The following EPAS1 variants were observed in gnomAD, a reference collection of about 807,000 sequenced individuals.
EPAS1 encodes endothelial PAS domain protein 1, also known as endothelial PAS domain-containing protein 1.
EPAS1 carries 23 observed loss-of-function variants against 87.9 expected under a neutral mutation model. The ratio of observed to expected loss-of-function variants is 0.26; its 90% CI spans 0.19 to 0.37. EPAS1 has a LOEUF of 0.37. EPAS1 is among the 10% of genes least tolerant of loss of function. The pLI is 1.00. For missense variants in EPAS1, 1,138 were observed against 1,120.7 expected (o/e 1.02, Z -0.22); for synonymous variants, 508 against 444.3 (o/e 1.14, Z -1.80).
rs562866045 is a variant in EPAS1 at position 46,385,964 on chromosome 2, C to A, written c.*1304C>A. 1 of 152,530 alleles carries A rather than the reference C, an allele frequency of 6.6e-6. No individual in the cohort carries two copies. Among genetic ancestry groups the A allele is most frequent in the Admixed American group, 6.5e-5 (1 of 15,286 alleles). 9.4% of individuals were successfully genotyped at this position (152,530 alleles called of 1,614,324 possible). A position where few individuals can be genotyped will look rare whatever the true frequency, so the allele number is the denominator to read the frequency against. On this transcript the variant is annotated 3_prime_UTR_variant, in exon 16 of 16. Transcript: ENST00000263734. ...CTCCAAGCTCACGACCTTGGAGCCCCGTGGAGCTGGACTGAGGAGGAGGCT... is the reference window on the plus strand; with the variant it reads ...CTCCAAGCTCACGACCTTGGAGCCCAGTGGAGCTGGACTGAGGAGGAGGCT...
intron 2 of EPAS1, among the ~76,000 whole-genome samples, chr2:46,349,203 G>A (rs1221342261): frequency 6.6e-6 from 1 of 152,192 alleles, no homozygotes; most frequent in Non-Finnish European, 1.5e-5. Context: ...GCGTGATGGG[G>A]AGGAGGTCCT....
rs72797432 is a variant in EPAS1, at chr2:46,385,009, T to C, written c.*349T>C. The stretch of plus-strand genomic sequence containing the variant: ...TGTCCATACTAACAAGTTTGGTGCA[T>C]GTCTGTTCTTCTGTAGGGAGAAGCT... On this transcript the variant is annotated 3_prime_UTR_variant, in exon 16 of 16. Transcript: ENST00000263734. The C allele has an allele frequency of 9.0e-3, 2,909 of 323,882 alleles. 20 individuals carry two copies. Among genetic ancestry groups the C allele is most frequent in the Non-Finnish European group, 0.014 (2,378 of 169,308 alleles). 20.1% of individuals were successfully genotyped at this position (323,882 alleles called of 1,614,324 possible). A position where few individuals can be genotyped will look rare whatever the true frequency, so the allele number is the denominator to read the frequency against.
rs75279624 is a variant in EPAS1, at chr2:46,321,916, A to C, written c.26+23979A>C. 7.0e-4 allele frequency among the ~76,000 whole-genome samples: 107 copies of C among 152,318 alleles called. No homozygotes were observed. In the East Asian group the frequency reaches 0.013, roughly 19 times the overall value. ...TTCAGTTCGTGCTGTGGAGCATGTG[A>C]AACTATTTTAAATAGAGGCCTTTGG... On this transcript the variant is annotated intron_variant, in intron 1 of 15. Coordinates refer to ENST00000263734, the MANE Select transcript of EPAS1 (RefSeq NM_001430.5).
chr2:46,382,550 G>C lies in EPAS1; in HGVS notation c.2413G>C (p.Ala805Pro), dbSNP rs147672406. 6.2e-7 allele frequency: 1 copy of C among 1,614,118 alleles called. No individual in the cohort carries two copies. The highest frequency in any genetic ancestry group is 1.3e-5 in the African/African-American group (1 of 75,030). Residue 805 changes from alanine to proline, a missense_variant, in exon 15 of 16, where the codon GCC (alanine) becomes CCC (proline). Transcript: ENST00000263734. ...GAGCAGGTTCCCCCCACAGTGCTAC[G>C]CCACCCAGTACCAGGACTACAGCCT... ...SKSRFPPQCY[A>P]TQYQDYSLSS...
intron 1 of EPAS1, among the ~76,000 whole-genome samples, chr2:46,311,868 C>G (rs1683217611): frequency 6.6e-6 from 1 of 152,160 alleles, no homozygotes; most frequent in Non-Finnish European, 1.5e-5. Flanking sequence ...AGCAGAAAAC[C>G]CAGGCAGAAA....
intron 11 of EPAS1, among the ~76,000 whole-genome samples, chr2:46,379,240 A>G (rs1269844501): frequency 3.3e-5 from 5 of 152,252 alleles, no homozygotes; most frequent in Non-Finnish European, 5.9e-5. Context: ...TCAGGAACAC[A>G]TTTATTACAT....
rs554103935 is a variant in EPAS1 at position 46,301,735 on chromosome 2, G to A, written c.26+3798G>A. 6.0e-5 allele frequency among the ~76,000 whole-genome samples: 9 copies of A among 151,078 alleles called. No homozygotes were observed. In the South Asian group the frequency reaches 1.7e-3, roughly 28 times the overall value. ...CCTTCCCCATCACAACTCTCAAACC[G>A]CTGAACCTTATAGAAAGGAGATTTG... On this transcript the variant is annotated intron_variant, in intron 1 of 15. Coordinates refer to ENST00000263734, the MANE Select transcript of EPAS1 (RefSeq NM_001430.5).
At chr2:46,382,325 C>T in intron 14 of EPAS1, 100 bp from the exon 15 acceptor site, 2 of 1,485,140 alleles carry the variant, frequency 1.3e-6, no homozygotes, top group Non-Finnish European at 1.9e-6. Flanking sequence ...GTTCTGGTGA[C>T]TCTGAGCACC....
At chr2:46,382,226 C>CT in intron 14 of EPAS1, 137 bp downstream of exon 14, 1 of 1,044,432 alleles carries the variant, frequency 9.6e-7, no homozygotes, top group Non-Finnish European at 1.4e-6. Flanking sequence ...GCGATGTCCT[C>CT]TGTCTCTCCC....
chr2:46,302,086 G>T (rs1683011632), intron 1 of EPAS1, among the ~76,000 whole-genome samples: 1 of 142,366 alleles, frequency 7.0e-6, no homozygotes, highest in Non-Finnish European at 1.5e-5. Flanking sequence ...AGACTAAACA[G>T]TTTAATTTAC....
At chr2:46,383,735 A>G (rs1231621122) in intron 15 of EPAS1, among the ~76,000 whole-genome samples, 1 of 152,234 alleles carries the variant, frequency 6.6e-6, no homozygotes, top group Non-Finnish European at 1.5e-5. Context: ...TTTTCTGACC[A>G]TGAATAAGAG....
In EPAS1 at chr2:46,348,592, C is replaced by A. The variant is rs148808824; in HGVS notation, c.217+1529C>A. Among the ~76,000 whole-genome samples the A allele has an allele frequency of 7.1e-3, 1,084 of 152,324 alleles. 15 individuals carry two copies. Among genetic ancestry groups the A allele is most frequent in the African/African-American group, 0.025 (1,041 of 41,564 alleles). ...TGGTACTTGAGATTTTGCTCTTAGA[C>A]ATTAATTCCTTTGGATTAATCATTG... On this transcript the variant is annotated intron_variant, in intron 2 of 15. Transcript: ENST00000263734.
chr2:46,325,840 G>A (rs1053066438), intron 1 of EPAS1, among the ~76,000 whole-genome samples: 1 of 152,062 alleles, frequency 6.6e-6, no homozygotes, highest in African/African-American at 2.4e-5. Flanking sequence ...TTTAAAACAG[G>A]GACACAAAGA....
chr2:46,350,424 C>T (rs1203263411), intron 2 of EPAS1, among the ~76,000 whole-genome samples: 1 of 152,212 alleles, frequency 6.6e-6, no homozygotes, highest in Non-Finnish European at 1.5e-5. Context: ...TCACAGTAGG[C>T]TGTTCTGTGT....
intron 6 of EPAS1, among the ~76,000 whole-genome samples, chr2:46,369,472 A>C (rs1329037325): frequency 6.6e-6 from 1 of 152,194 alleles, no homozygotes; most frequent in Non-Finnish European, 1.5e-5. Flanking sequence ...CCCGTCCTGG[A>C]TGTCTACTCC....
Position 46,380,341 on chromosome 2 carries a change from C to G in EPAS1, c.1669C>G (p.Gln557Glu). 1 of 1,614,170 alleles carries G rather than the reference C, an allele frequency of 6.2e-7. No homozygotes were observed. Among genetic ancestry groups the G allele is most frequent in the Non-Finnish European group, 8.5e-7 (1 of 1,180,012 alleles). ...PEERLLAENP[Q>E]STPQHCFSAM... ...GGAGCGGCTCTTGGCGGAGAACCCACAGTCCACCCCCCAGCACTGCTTCAG... is the reference window on the plus strand; with the variant it reads ...GGAGCGGCTCTTGGCGGAGAACCCAGAGTCCACCCCCCAGCACTGCTTCAG... Residue 557 changes from glutamine (Q) to glutamate (E), a missense_variant, in exon 12 of 16, where the codon CAG becomes GAG. Gln to Glu is a conservative substitution (Grantham distance 29). This residue lies in a region of EPAS1 where 502 missense variants were observed against 427.1 expected (regional missense o/e 1.18). Transcript: ENST00000263734. The surrounding 1 kb of genome is among the most constrained non-coding windows in gnomAD (Gnocchi z 4.4).
intron 7 of EPAS1, among the ~76,000 whole-genome samples, chr2:46,374,762 T>TATTG (rs1217861457): frequency 6.6e-6 from 1 of 152,200 alleles, no homozygotes; most frequent in Non-Finnish European, 1.5e-5. Flanking sequence ...TAAAGAGATT[T>TATTG]ATTGATTCCT....
At chr2:46,376,057 C>T (rs1234428994) in intron 8 of EPAS1, among the ~76,000 whole-genome samples, 1 of 152,132 alleles carries the variant, frequency 6.6e-6, no homozygotes, top group African/African-American at 2.4e-5. Context: ...CTGCGCTTTC[C>T]CTGGCATCTG....
chr2:46,316,181 GA>G (rs890385039), intron 1 of EPAS1, among the ~76,000 whole-genome samples: 3 of 149,444 alleles, frequency 2.0e-5, no homozygotes, highest in African/African-American at 7.7e-5. Flanking sequence ...CGAGTCACAT[GA>G]TTTTTTTTTG....
Sources: gnomAD v4.1 joint callset for allele counts (sites outside exome capture counted in the v4.1 genomes callset) on GRCh38, gnomAD v4.1.1 for gene constraint, gnomAD v4.1.1 regional missense constraint, Gnocchi (gnomAD v3.1) non-coding constraint, MANE v1.5 for transcripts, NCBI Gene and HGNC (gene_info 2026-07-23, HGNC 2026-07-21) for gene names.